RPH3A: variants seen among roughly 807,000 people sequenced by gnomAD.
The protein encoded by RPH3A is rabphilin-3A.
RPH3A carries 48 observed loss-of-function variants against 102.2 expected under a neutral mutation model. The ratio of observed to expected loss-of-function variants is 0.47; its 90% CI spans 0.37 to 0.60. The LOEUF (loss-of-function observed/expected upper bound fraction) is 0.60. Ranked by LOEUF, RPH3A falls within the 20% of genes least tolerant of loss-of-function variation. RPH3A has a pLI of 0.00. For missense variants in RPH3A, 781 were observed against 910.1 expected (o/e 0.86, Z 1.83); for synonymous variants, 310 against 324.3 (o/e 0.96, Z 0.47).
At chr12:112,794,958 T>C (rs1038136463) in intron 2 of RPH3A, among the ~76,000 whole-genome samples, 3 of 152,190 alleles carry the variant, frequency 2.0e-5, no homozygotes, top group Non-Finnish European at 2.9e-5. Flanking sequence ...ATTTCCTTTC[T>C]TGTTGGCAGG....
chr12:112,877,286 G>A (rs908038746), intron 13 of RPH3A, among the ~76,000 whole-genome samples: 1 of 152,028 alleles, frequency 6.6e-6, no homozygotes, highest in Non-Finnish European at 1.5e-5. Context: ...TCTTCTAAAA[G>A]TAATTTATTA....
At chr12:112,741,538 C>T (rs1388275839) in intron 1 of RPH3A, among the ~76,000 whole-genome samples, 2 of 152,098 alleles carry the variant, frequency 1.3e-5, no homozygotes, top group Non-Finnish European at 1.5e-5. Context: ...GAGCTTTCGA[C>T]CCCCATGTCA....
At chr12:112,752,373 C>T (rs895817242) in intron 1 of RPH3A, among the ~76,000 whole-genome samples, 1 of 152,132 alleles carries the variant, frequency 6.6e-6, no homozygotes, top group African/African-American at 2.4e-5. Context: ...TACTTAGTTT[C>T]TGCATCTTCC....
chr12:112,678,301 G>GAAA (rs372112522), intron 1 of RPH3A, among the ~76,000 whole-genome samples: 2 of 87,090 alleles, frequency 2.3e-5, no homozygotes, highest in Non-Finnish European at 4.7e-5. Context: ...AAGAAAGAAA[G>GAAA]AAAGAGAGAG....
chr12:112,788,441 A>C (rs530745696), upstream of RPH3A, among the ~76,000 whole-genome samples: 1 of 152,208 alleles, frequency 6.6e-6, no homozygotes, highest in African/African-American at 2.4e-5. Context: ...CAGGGTCATG[A>C]AAACACAGGC....
chr12:112,760,661 A>G (rs1000054145), intron 1 of RPH3A, among the ~76,000 whole-genome samples: 2 of 152,230 alleles, frequency 1.3e-5, no homozygotes, highest in African/African-American at 4.8e-5. Flanking sequence ...CTGAGAGGAC[A>G]TGTTTACTCA....
chr12:112,580,545 C>G (rs550428090), intron 1 of RPH3A, among the ~76,000 whole-genome samples: 2 of 151,730 alleles, frequency 1.3e-5, no homozygotes, highest in African/African-American at 4.8e-5. Context: ...CTGGGACCAC[C>G]GGCGCCCGCC....
At chr12:112,773,317 G>A (rs1464665873) in intron 1 of RPH3A, among the ~76,000 whole-genome samples, 1 of 152,116 alleles carries the variant, frequency 6.6e-6, no homozygotes, top group South Asian at 2.1e-4. Flanking sequence ...AGAAAGAGAA[G>A]TAAAACTTAA....
intron 1 of RPH3A, among the ~76,000 whole-genome samples, chr12:112,768,349 A>G (rs1225604040): frequency 6.6e-6 from 1 of 152,128 alleles, no homozygotes; most frequent in East Asian, 1.9e-4. Context: ...AAGTCATTAC[A>G]GTGGCCTATT....
intron 16 of RPH3A, among the ~76,000 whole-genome samples, chr12:112,886,777 A>C (rs562278042): frequency 6.6e-6 from 1 of 152,322 alleles, no homozygotes; most frequent in Admixed American, 6.5e-5. Context: ...AAATTATTTA[A>C]TCTTTCTGGG....
chr12:112,778,345 A>C (rs1296946626), intron 1 of RPH3A, among the ~76,000 whole-genome samples: 1 of 152,180 alleles, frequency 6.6e-6, no homozygotes, highest in African/African-American at 2.4e-5. Context: ...TTTTCTCTTT[A>C]ATCCTTCTGA....
At chr12:112,724,261 C>A (rs922087951) in intron 1 of RPH3A, among the ~76,000 whole-genome samples, 41 of 151,998 alleles carry the variant, frequency 2.7e-4, no homozygotes, top group African/African-American at 9.4e-4. Flanking sequence ...GACAGGGTCT[C>A]ACTATGTTGC....
chr12:112,715,394 G>A (rs2040506259), intron 1 of RPH3A, among the ~76,000 whole-genome samples: 1 of 151,976 alleles, frequency 6.6e-6, no homozygotes, highest in Non-Finnish European at 1.5e-5. Flanking sequence ...TTATTGATTT[G>A]TTTGCTTATT....
At chr12:112,821,745 T>G (rs2041783488) in intron 2 of RPH3A, among the ~76,000 whole-genome samples, 1 of 152,380 alleles carries the variant, frequency 6.6e-6, no homozygotes, top group East Asian at 1.9e-4. Context: ...TCTACTTGTT[T>G]GCTTATTGTC....
chr12:112,806,409 C>T (rs780064991), intron 2 of RPH3A, among the ~76,000 whole-genome samples: 12 of 152,156 alleles, frequency 7.9e-5, no homozygotes, highest in African/African-American at 1.9e-4. Flanking sequence ...CTGAGGTGGG[C>T]GGATCACTTG....
At chr12:112,679,428 C>T (rs2040211415) in intron 1 of RPH3A, among the ~76,000 whole-genome samples, 1 of 151,900 alleles carries the variant, frequency 6.6e-6, no homozygotes, top group East Asian at 1.9e-4. Flanking sequence ...GCTGGGATTA[C>T]AGGCTTGAGC....
At chr12:112,752,296 A>G (rs1163196398) in intron 1 of RPH3A, among the ~76,000 whole-genome samples, 1 of 152,166 alleles carries the variant, frequency 6.6e-6, no homozygotes, top group Admixed American at 6.5e-5. Context: ...TTTTTTCATA[A>G]CCTTTGTTTG....
chr12:112,851,868 C>T (rs1318942454), intron 5 of RPH3A, among the ~76,000 whole-genome samples: 1 of 152,186 alleles, frequency 6.6e-6, no homozygotes, highest in Non-Finnish European at 1.5e-5. Flanking sequence ...TACAGATTTT[C>T]TATATTAGTT....
rs760024415 is a variant in RPH3A, at chr12:112,896,735, G to C, written c.2040G>C (p.Glu680Asp). The change falls in exon 22 of 22, where the codon GAG becomes GAC. Residue 680 changes from glutamate to aspartate, a missense_variant. Physicochemically the swap from Glu to Asp is conservative, Grantham distance 45 (BLOSUM62 2). Transcript: ENST00000389385. The part of the protein sequence containing the change: ...ECLKNKDKKI[E>D]RWHQLQNENH... The stretch of plus-strand genomic sequence containing the variant: ...TGAAAAATAAAGACAAGAAGATAGA[G>C]CGCTGGCACCAGCTACAGAATGAGA... 1.2e-6 allele frequency: 2 copies of C among 1,614,138 alleles called. No homozygotes were observed. Among genetic ancestry groups the C allele is most frequent in the Admixed American group, 1.7e-5 (1 of 60,026 alleles).
Sources: allele counts gnomAD v4.1 joint callset (sites outside exome capture counted in the v4.1 genomes callset), GRCh38; gene constraint gnomAD v4.1.1; transcripts MANE v1.5; gene names NCBI Gene and HGNC (gene_info 2026-07-23, HGNC 2026-07-21).